PRKN: variants seen among roughly 807,000 people sequenced by gnomAD.
The protein encoded by PRKN is E3 ubiquitin-protein ligase parkin.
PRKN carries 56 observed loss-of-function variants against 59.5 expected under a neutral mutation model. That is an observed-to-expected ratio of 0.94 (90% CI 0.76 to 1.18). The LOEUF (loss-of-function observed/expected upper bound fraction) is 1.18. Ranked by LOEUF, PRKN falls within the 50% of genes most tolerant of loss-of-function variation. The pLI is 0.00. For missense variants in PRKN, 657 were observed against 596.4 expected (o/e 1.10, Z -1.06); for synonymous variants, 250 against 222.1 (o/e 1.13, Z -1.12).
At chr6:162,343,922 AAAAGG>A (rs1257427060) in intron 2 of PRKN, among the ~76,000 whole-genome samples, 1 of 152,206 alleles carries the variant, frequency 6.6e-6, no homozygotes, top group Non-Finnish European at 1.5e-5. Context: ...GCAATAGAAA[AAAAGG>A]AAAGTTATTT....
chr6:162,021,169 AT>A (rs1260983208), intron 5 of PRKN, among the ~76,000 whole-genome samples: 21 of 42,312 alleles, frequency 5.0e-4, no homozygotes, highest in Admixed American at 6.9e-4. Context: ...TATATATAAA[AT>A]ATATGTGTAT....
At chr6:161,655,063 G>A (rs73597111) in intron 7 of PRKN, among the ~76,000 whole-genome samples, 3,587 of 145,536 alleles carry the variant, frequency 0.025, 35 homozygotes, top group African/African-American at 0.037. Context: ...AAGGTGCACC[G>A]TCACAGAGGC....
intron 9 of PRKN, among the ~76,000 whole-genome samples, chr6:161,424,621 T>C (rs937490797): frequency 5.9e-5 from 9 of 152,104 alleles, no homozygotes; most frequent in Non-Finnish European, 2.9e-5. Flanking sequence ...CTAGCAGGCT[T>C]CCATTTAATT....
chr6:162,210,376 G>A (rs972901111), intron 3 of PRKN, among the ~76,000 whole-genome samples: 5 of 152,136 alleles, frequency 3.3e-5, no homozygotes, highest in Non-Finnish European at 7.3e-5. Context: ...TTCAGCACAT[G>A]TTGTTTATTT....
intron 2 of PRKN, among the ~76,000 whole-genome samples, chr6:162,280,683 C>A (rs962511130): frequency 6.8e-6 from 1 of 146,370 alleles, no homozygotes; most frequent in Non-Finnish European, 1.5e-5. Context: ...TCCAGCTACT[C>A]GGGAGGCTGA....
intron 1 of PRKN, among the ~76,000 whole-genome samples, chr6:162,547,245 A>G (rs1255205353): frequency 6.6e-6 from 1 of 152,144 alleles, no homozygotes; most frequent in Non-Finnish European, 1.5e-5. Flanking sequence ...ACAAACTACA[A>G]CAAAACCATA....
At chr6:161,907,423 T>C (rs1022888105) in intron 6 of PRKN, among the ~76,000 whole-genome samples, 1 of 152,160 alleles carries the variant, frequency 6.6e-6, no homozygotes, top group Non-Finnish European at 1.5e-5. Flanking sequence ...TTCCGCAACA[T>C]AACCACACTT....
intron 5 of PRKN, among the ~76,000 whole-genome samples, chr6:162,033,879 T>C (rs183534593): frequency 2.3e-4 from 35 of 152,228 alleles, no homozygotes; most frequent in African/African-American, 7.7e-4. Context: ...AAAACAAATA[T>C]TTGTAGAATG....
intron 2 of PRKN, among the ~76,000 whole-genome samples, chr6:162,355,689 T>C (rs1482800771): frequency 1.3e-5 from 2 of 150,884 alleles, no homozygotes; most frequent in Non-Finnish European, 3.0e-5. Context: ...CAGGACAAAC[T>C]GGGTATTTCC....
intron 2 of PRKN, among the ~76,000 whole-genome samples, chr6:162,334,215 G>T (rs1296461750): frequency 6.6e-6 from 1 of 152,218 alleles, no homozygotes; most frequent in Non-Finnish European, 1.5e-5. Context: ...AGAGCATCTA[G>T]CTAAGATTGG....
At chr6:162,143,894 T>C (rs1432017481) in intron 4 of PRKN, among the ~76,000 whole-genome samples, 2 of 152,182 alleles carry the variant, frequency 1.3e-5, no homozygotes, top group African/African-American at 4.8e-5. Flanking sequence ...CAGAGAGATA[T>C]GAGTAATTAG....
intron 1 of PRKN, among the ~76,000 whole-genome samples, chr6:162,554,229 CGCAGTGGCTCACGCCT>C (rs1262971038): frequency 2.0e-5 from 3 of 152,156 alleles, no homozygotes; most frequent in Admixed American, 6.5e-5. Flanking sequence ...AATGGCCAGG[CGCAGTGGCTCACGCCT>C]GTAATCCCAG....
rs1013629434 is a variant in PRKN, at chr6:161,391,726, C to T, written c.1084-4849G>A. ...AAGTAAGAGAGATTATCCTAGATAA[C>T]CTGAAGGGGGCTGATTCAATCTGTG... On this transcript the variant is annotated intron_variant, in intron 9 of 11. Coordinates refer to ENST00000366898, the MANE Select transcript of PRKN (RefSeq NM_004562.3). This position sits in a 1 kb window ranked among gnomAD's most constrained non-coding sequence, Gnocchi z 4.9. 9.2e-5 allele frequency among the ~76,000 whole-genome samples: 14 copies of T among 151,952 alleles called. No homozygotes were observed. Among genetic ancestry groups the T allele is most frequent in the Non-Finnish European group, 2.9e-5 (2 of 68,016 alleles).
At chr6:162,370,655 G>A (rs549462942) in intron 2 of PRKN, among the ~76,000 whole-genome samples, 60 of 152,312 alleles carry the variant, frequency 3.9e-4, no homozygotes, top group African/African-American at 1.4e-3. Flanking sequence ...TGAAATTCAC[G>A]TTTACTTATT....
chr6:161,597,846 A>ACT (rs944296533), intron 7 of PRKN, among the ~76,000 whole-genome samples: 2 of 151,884 alleles, frequency 1.3e-5, no homozygotes, highest in African/African-American at 2.4e-5. Context: ...GCACACACAC[A>ACT]CACACACACA....
chr6:161,650,542 GACAA>G (rs888307521), intron 7 of PRKN, among the ~76,000 whole-genome samples: 2 of 152,108 alleles, frequency 1.3e-5, no homozygotes, highest in African/African-American at 4.8e-5. Context: ...AGAGAGAGAA[GACAA>G]ACAGAGACAG....
intron 1 of PRKN, among the ~76,000 whole-genome samples, chr6:162,603,814 C>A (rs996770877): frequency 3.9e-5 from 6 of 152,126 alleles, no homozygotes; most frequent in Non-Finnish European, 7.3e-5. Flanking sequence ...AGGGCTGTCA[C>A]ATTTCTGAAA....
chr6:161,921,071 C>T (rs1172537016), intron 6 of PRKN, among the ~76,000 whole-genome samples: 2 of 152,154 alleles, frequency 1.3e-5, no homozygotes, highest in Non-Finnish European at 2.9e-5. Flanking sequence ...TAGCTTAAAC[C>T]ACAAACACAT....
At chr6:161,897,377 T>C (rs75848796) in intron 6 of PRKN, among the ~76,000 whole-genome samples, 2,713 of 152,286 alleles carry the variant, frequency 0.018, 78 homozygotes, top group African/African-American at 0.063. Flanking sequence ...ACCTTATTTA[T>C]GTATGTGTTG....
Sources: allele counts gnomAD v4.1 joint callset (sites outside exome capture counted in the v4.1 genomes callset), GRCh38; gene constraint gnomAD v4.1.1; non-coding constraint Gnocchi (gnomAD v3.1); transcripts MANE v1.5; gene names NCBI Gene and HGNC (gene_info 2026-07-23, HGNC 2026-07-21).